PCDHA6: variants seen among roughly 807,000 people sequenced by gnomAD.
The protein encoded by PCDHA6 is protocadherin alpha 6, also known as protocadherin alpha-6.
A neutral mutation model predicts 60.3 loss-of-function variants in PCDHA6; 55 were observed. The ratio of observed to expected loss-of-function variants is 0.91; its 90% CI spans 0.73 to 1.14. The LOEUF (loss-of-function observed/expected upper bound fraction) is 1.14, where lower values mean the gene tolerates loss of function less well. Among genes scored for constraint, PCDHA6 ranks in the 50% most tolerant of loss-of-function variants. The pLI is 0.00. For synonymous variants in PCDHA6, 652 were observed against 557.9 expected (o/e 1.17, Z -2.38); for missense variants, 1,327 against 1,256.5 (o/e 1.06, Z -0.85).
chr5:140,883,000 ATCCGT>A (rs1554176436), intron 1 of PCDHA6: 1 of 1,614,138 alleles, frequency 6.2e-7, no homozygotes, highest in Non-Finnish European at 8.5e-7. Flanking sequence ...AATTTTACCA[ATCCGT>A]TTATAAAGTG....
chr5:140,834,258 C>T, intron 1 of PCDHA6: 2 of 940,106 alleles, frequency 2.1e-6, no homozygotes, highest in Non-Finnish European at 3.2e-6. Context: ...AAAGACGCTC[C>T]ACTCTCTTTC....
intron 1 of PCDHA6, chr5:140,969,064 C>G: frequency 6.2e-7 from 1 of 1,614,136 alleles, no homozygotes; most frequent in Non-Finnish European, 8.5e-7. Context: ...ATATTGATGC[C>G]AGGATACCGC....
intron 1 of PCDHA6, among the ~76,000 whole-genome samples, chr5:140,947,169 G>GTA (rs1235035694): frequency 1.3e-5 from 2 of 150,968 alleles, no homozygotes; most frequent in Non-Finnish European, 3.0e-5. Context: ...AGAAAATGTG[G>GTA]TATATATTCA....
intron 1 of PCDHA6, among the ~76,000 whole-genome samples, chr5:140,944,059 T>C (rs190208662): frequency 6.6e-6 from 1 of 152,296 alleles, no homozygotes; most frequent in East Asian, 1.9e-4. Flanking sequence ...TACAAAAAGG[T>C]TTCTTGTTAA....
intron 1 of PCDHA6, chr5:140,835,618 C>G: frequency 6.2e-7 from 1 of 1,613,946 alleles, no homozygotes; most frequent in Non-Finnish European, 8.5e-7. Flanking sequence ...CTGGACAGCG[C>G]TCTGGACCGC....
intron 1 of PCDHA6, among the ~76,000 whole-genome samples, chr5:140,900,150 C>T (rs265315): frequency 0.046 from 7,055 of 152,208 alleles, 291 homozygotes; most frequent in African/African-American, 0.11. Context: ...TAAGAACATA[C>T]GATATTTGTC....
At chr5:140,966,626 C>T in intron 1 of PCDHA6, 9 of 925,184 alleles carry the variant, frequency 9.7e-6, no homozygotes, top group South Asian at 9.6e-5. Flanking sequence ...GAGGGAGCGG[C>T]CCCAGGCGCT....
At chr5:140,988,963 G>A (rs1273293184) in intron 3 of PCDHA6, 2 of 152,140 alleles carry the variant, frequency 1.3e-5, no homozygotes, top group African/African-American at 4.8e-5. Flanking sequence ...CAAGCCCCAC[G>A]ATGGAGAGAA....
chr5:140,924,736 A>C (rs1554202112), intron 1 of PCDHA6, among the ~76,000 whole-genome samples: 1 of 151,866 alleles, frequency 6.6e-6, no homozygotes, highest in Non-Finnish European at 1.5e-5. Flanking sequence ...CTCTAATAAA[A>C]ATACAAAAAT....
At chr5:141,000,824 T>C (rs1477357302) in intron 3 of PCDHA6, among the ~76,000 whole-genome samples, 1 of 152,064 alleles carries the variant, frequency 6.6e-6, no homozygotes, top group Non-Finnish European at 1.5e-5. Context: ...GGAGGATCAC[T>C]TGAGTCCAGG....
chr5:140,903,753 A>T (rs1554191101), intron 1 of PCDHA6, among the ~76,000 whole-genome samples: 2 of 152,186 alleles, frequency 1.3e-5, no homozygotes, highest in African/African-American at 4.8e-5. Context: ...GTTTCCCTTG[A>T]TTTTTGCTGA....
chr5:140,853,742 G>A, intron 1 of PCDHA6: 1 of 988,574 alleles, frequency 1.0e-6, no homozygotes, highest in Non-Finnish European at 1.2e-6. Context: ...GAATGTTCTG[G>A]TTCAAGGCTC....
intron 1 of PCDHA6, chr5:140,834,281 C>T (rs1772882234): frequency 2.7e-6 from 3 of 1,125,172 alleles, no homozygotes; most frequent in South Asian, 1.5e-5. Flanking sequence ...TCTTTGGATG[C>T]ACAACAATGG....
chr5:140,883,356 C>T (rs147755059), intron 1 of PCDHA6: 31 of 1,614,190 alleles, frequency 1.9e-5, no homozygotes, highest in Non-Finnish European at 2.3e-5. Flanking sequence ...AGAGAAGACA[C>T]TCAGCCTAGC....
chr5:140,840,523 A>G (rs1554137815), intron 1 of PCDHA6, among the ~76,000 whole-genome samples: 3 of 152,058 alleles, frequency 2.0e-5, no homozygotes, highest in African/African-American at 7.3e-5. Flanking sequence ...CAGAAGAAAG[A>G]TGAAGAACTA....
At chr5:140,926,899 G>T (rs1554203765) in intron 1 of PCDHA6, 28 of 1,552,028 alleles carry the variant, frequency 1.8e-5, no homozygotes, top group Non-Finnish European at 2.4e-5. Context: ...GAGGATGGTG[G>T]GCTGTGGGGT....
intron 1 of PCDHA6, among the ~76,000 whole-genome samples, chr5:140,941,241 TTCTTTCTTTCTTTC>T (rs1247398838): frequency 5.8e-4 from 81 of 140,456 alleles, no homozygotes; most frequent in African/African-American, 2.0e-3. Flanking sequence ...CTTTCTTTCT[TTCTTTCTTTCTTTC>T]TCTTTCTTTC....
chr5:140,926,404 A>G (rs192980510), intron 1 of PCDHA6: 1 of 152,612 alleles, frequency 6.6e-6, no homozygotes, highest in African/African-American at 2.4e-5. Context: ...GTTATCAGCA[A>G]TCTGCGGGCA....
chr5:140,883,071 A>T, intron 1 of PCDHA6: 1 of 1,614,116 alleles, frequency 6.2e-7, no homozygotes, highest in Non-Finnish European at 8.5e-7. Context: ...AATGCCACAG[A>T]TCCTGATGAT....
Sources: gnomAD v4.1 joint callset for allele counts (sites outside exome capture counted in the v4.1 genomes callset) on GRCh38, gnomAD v4.1.1 for gene constraint, MANE v1.5 for transcripts, NCBI Gene and HGNC (gene_info 2026-07-23, HGNC 2026-07-21) for gene names.